The following FRAS1 variants were observed in gnomAD, a reference collection of about 807,000 sequenced individuals.
FRAS1 encodes Fraser extracellular matrix complex subunit 1.
FRAS1 carries 290 observed loss-of-function variants against 435.2 expected under a neutral mutation model. The ratio of observed to expected loss-of-function variants is 0.67; its 90% CI spans 0.61 to 0.73. The LOEUF (loss-of-function observed/expected upper bound fraction) is 0.73, where lower values mean the gene tolerates loss of function less well. FRAS1 is among the 30% of genes least tolerant of loss of function. The pLI, the probability that FRAS1 is intolerant of heterozygous loss-of-function variation, is 0.00. For missense variants in FRAS1, 4,860 were observed against 5,001.5 expected, an observed-to-expected ratio of 0.97 and a Z score of 0.85; for synonymous variants, 1,800 against 1,851.0, an observed-to-expected ratio of 0.97 and a Z score of 0.71.
chr4:78,305,099 C>T (rs1728640466), intron 14 of FRAS1, among the ~76,000 whole-genome samples: 1 of 152,120 alleles, frequency 6.6e-6, no homozygotes, highest in Non-Finnish European at 1.5e-5. Flanking sequence ...ATCTTTATTT[C>T]TGCCTTCATT....
At chr4:78,113,496 C>T (rs897395411) in intron 2 of FRAS1, among the ~76,000 whole-genome samples, 1 of 152,110 alleles carries the variant, frequency 6.6e-6, no homozygotes, top group Non-Finnish European at 1.5e-5. Context: ...CCTGTTGTTT[C>T]CTGACTTTTT....
intron 1 of FRAS1, among the ~76,000 whole-genome samples, chr4:78,063,729 G>T (rs1010910373): frequency 1.3e-5 from 2 of 152,094 alleles, no homozygotes; most frequent in Non-Finnish European, 1.5e-5. Context: ...TTCTTAAGGT[G>T]CTTGATTTCC....
At chr4:78,179,473 T>A (rs1721910767) in intron 2 of FRAS1, among the ~76,000 whole-genome samples, 1 of 152,206 alleles carries the variant, frequency 6.6e-6, no homozygotes, top group South Asian at 2.1e-4. Context: ...AAGTGTTTCA[T>A]TAAAAATGTG....
intron 2 of FRAS1, among the ~76,000 whole-genome samples, chr4:78,183,391 C>A (rs1318947512): frequency 6.6e-6 from 1 of 152,116 alleles, no homozygotes; most frequent in Non-Finnish European, 1.5e-5. Flanking sequence ...GTGGGGATTG[C>A]TAGTCTCTGC....
At chr4:78,212,652 C>G (rs1723566213) in intron 2 of FRAS1, among the ~76,000 whole-genome samples, 1 of 152,194 alleles carries the variant, frequency 6.6e-6, no homozygotes, top group Admixed American at 6.5e-5. Context: ...TTCACACACT[C>G]ACAGGGTCAA....
rs190178054 is a variant in FRAS1, at chr4:78,347,310, A to G, written c.2422+9493A>G. On this transcript the variant is annotated intron_variant, in intron 20 of 73. Transcript: ENST00000512123. ...ACCCTAAGTGCTTCTTTCTTAGATG[A>G]CAGCCTCGTTTTTCTCTTTCTGCTA... Among the ~76,000 whole-genome samples the G allele has an allele frequency of 6.9e-4, 105 of 152,300 alleles. 1 individual carries two copies. The highest frequency in any genetic ancestry group is 2.5e-3 in the African/African-American group (103 of 41,564).
intron 2 of FRAS1, among the ~76,000 whole-genome samples, chr4:78,128,154 G>T (rs1163844723): frequency 1.3e-5 from 2 of 152,020 alleles, no homozygotes; most frequent in African/African-American, 4.8e-5. Context: ...GTCTATCATT[G>T]TTGGACATTT....
intron 15 of FRAS1, among the ~76,000 whole-genome samples, chr4:78,311,200 C>T (rs1306689128): frequency 1.3e-5 from 2 of 151,678 alleles, no homozygotes; most frequent in Admixed American, 6.6e-5. Flanking sequence ...TTTTCTTTCT[C>T]CCTTTTTTTA....
At chr4:78,338,648 A>G (rs1347233002) in intron 20 of FRAS1, among the ~76,000 whole-genome samples, 4 of 152,200 alleles carry the variant, frequency 2.6e-5, no homozygotes, top group African/African-American at 9.6e-5. Flanking sequence ...CAAATGGGAA[A>G]GGTGAGAAAG....
At chr4:78,094,115 T>C (rs1157868651) in intron 2 of FRAS1, among the ~76,000 whole-genome samples, 5 of 145,000 alleles carry the variant, frequency 3.4e-5, no homozygotes, top group African/African-American at 4.9e-5. Flanking sequence ...TTTTTTTTTT[T>C]TTTTTTTTTT....
At chr4:78,383,970 C>A in intron 27 of FRAS1, 89 bp from the exon 28 acceptor site, 1 of 955,414 alleles carries the variant, frequency 1.0e-6, no homozygotes, top group Non-Finnish European at 1.6e-6. Flanking sequence ...CTTACCTACA[C>A]ATAACCTGAA....
At chr4:78,291,167 T>C (rs535179871) in intron 14 of FRAS1, among the ~76,000 whole-genome samples, 2 of 152,320 alleles carry the variant, frequency 1.3e-5, no homozygotes, top group East Asian at 1.9e-4. Context: ...ATCTGCCACA[T>C]TGCACTGCTA....
rs147970369 is a variant in FRAS1, at chr4:78,105,934, G to A, written c.108+39918G>A. Among the ~76,000 whole-genome samples, 303 of 135,772 alleles carry A rather than the reference G, an allele frequency of 2.2e-3. 70 individuals are homozygous for A. The highest frequency in any genetic ancestry group is 8.5e-3 in the African/African-American group (296 of 34,840). 89.1% of individuals were successfully genotyped at this position (135,772 alleles called of 152,430 possible). Reference sequence around the variant, plus strand: ...AGCAGGGCAAGGCATTGCCCCACTTGGGAAGCGCAAGGGGTCAGGGAGTTC... The same window carrying A: ...AGCAGGGCAAGGCATTGCCCCACTTAGGAAGCGCAAGGGGTCAGGGAGTTC... On this transcript the variant is annotated intron_variant, in intron 2 of 73. Coordinates refer to ENST00000512123, the MANE Select transcript of FRAS1 (RefSeq NM_025074.7).
intron 26 of FRAS1, 58 bp from the exon 27 acceptor site, chr4:78,379,668 A>G: frequency 6.6e-7 from 1 of 1,517,098 alleles, no homozygotes; most frequent in Non-Finnish European, 8.9e-7. Flanking sequence ...ATAAGGGGAA[A>G]GTGACCTAAT....
chr4:78,237,560 T>A lies in FRAS1; in HGVS notation c.159T>A (p.Gly53=). ...PDSCQSCRCH[G]DIVICKPAVC... Reference sequence around the variant, plus strand: ...CATGCCAGAGCTGCCGTTGCCATGGTGATATTGTTATCTGCAAACCTGCTG... The same window carrying A: ...CATGCCAGAGCTGCCGTTGCCATGGAGATATTGTTATCTGCAAACCTGCTG... Residue 53 remains glycine (G), a synonymous_variant, in exon 3 of 74, where the codon GGT becomes GGA. Coordinates refer to ENST00000512123, the MANE Select transcript of FRAS1 (RefSeq NM_025074.7). 1 of 1,613,356 alleles carries A rather than the reference T, an allele frequency of 6.2e-7. No individual in the cohort carries two copies. The highest frequency in any genetic ancestry group is 1.3e-5 in the African/African-American group (1 of 75,026).
In FRAS1 at chr4:78,430,427, C is replaced by T. The variant is rs746699182; in HGVS notation, c.4969+10C>T. Reference sequence around the variant, plus strand: ...AGGCCGATGGCCACAGGTAGCTACACACCTACACACTCTGTCACTGACCTG... The same window carrying T: ...AGGCCGATGGCCACAGGTAGCTACATACCTACACACTCTGTCACTGACCTG... On this transcript the variant is annotated intron_variant, in intron 37 of 73. Transcript: ENST00000512123. 16 of 1,608,568 alleles carry T rather than the reference C, an allele frequency of 9.9e-6. 1 individual carries two copies. The highest frequency in any genetic ancestry group is 7.7e-5 in the South Asian group (7 of 90,634).
intron 47 of FRAS1, among the ~76,000 whole-genome samples, chr4:78,460,986 G>A (rs1199405607): frequency 1.3e-5 from 2 of 152,114 alleles, no homozygotes; most frequent in East Asian, 3.8e-4. Flanking sequence ...ATTATTCTAG[G>A]TGCACATCAG....
At chr4:78,311,154 C>T (rs1200281805) in intron 15 of FRAS1, among the ~76,000 whole-genome samples, 1 of 137,486 alleles carries the variant, frequency 7.3e-6, no homozygotes, top group Non-Finnish European at 1.6e-5. Flanking sequence ...TTAGTCATTC[C>T]CTCTCTTTTT....
intron 38 of FRAS1, among the ~76,000 whole-genome samples, chr4:78,436,702 G>A (rs1392802473): frequency 6.6e-6 from 1 of 151,896 alleles, no homozygotes; most frequent in African/African-American, 2.4e-5. Context: ...AAAAAAAATT[G>A]CAAAAGAGTA....
Sources: allele counts gnomAD v4.1 joint callset (sites outside exome capture counted in the v4.1 genomes callset), GRCh38; gene constraint gnomAD v4.1.1; transcripts MANE v1.5; gene names NCBI Gene and HGNC (gene_info 2026-07-23, HGNC 2026-07-21).